Variants in SLC6A11 observed in about 807,000 individuals in gnomAD.
SLC6A11 encodes the protein sodium- and chloride-dependent GABA transporter 3.
A neutral mutation model predicts 74.8 loss-of-function variants in SLC6A11; 25 were observed. The ratio of observed to expected loss-of-function variants is 0.33; its 90% CI spans 0.24 to 0.47. The LOEUF is 0.47. Among genes scored for constraint, SLC6A11 ranks in the 20% least tolerant of loss-of-function variants. SLC6A11 has a pLI of 1.00. For missense variants in SLC6A11, 574 were observed against 837.0 expected, an observed-to-expected ratio of 0.69 and a Z score of 3.88; for synonymous variants, 330 against 330.2, an observed-to-expected ratio of 1.00 and a Z score of 0.01.
rs1194610851 is a variant in SLC6A11, at chr3:10,823,289, G to T, written c.533-13G>T. The T allele has an allele frequency of 6.3e-7, 1 of 1,584,790 alleles. No individual in the cohort carries two copies. Among genetic ancestry groups the T allele is most frequent in the African/African-American group, 1.3e-5 (1 of 74,450 alleles). ...TTAATTTTCTTCTATTTCTTGTCTT[G>T]TTTCCACTGTAGAGAATTGTGTGGA... is the stretch of plus-strand genomic sequence containing the variant. On this transcript the variant is annotated splice_polypyrimidine_tract_variant and intron_variant, in intron 3 of 13. Transcript: ENST00000254488.
chr3:10,908,721 A>T (rs1037621387), intron 6 of SLC6A11, among the ~76,000 whole-genome samples: 1 of 152,020 alleles, frequency 6.6e-6, no homozygotes. Flanking sequence ...ATTGAGTGGT[A>T]CTCTTTCAGA....
intron 1 of SLC6A11, among the ~76,000 whole-genome samples, chr3:10,818,577 T>C (rs1417052043): frequency 1.3e-5 from 2 of 152,228 alleles, no homozygotes; most frequent in African/African-American, 4.8e-5. Context: ...ATCAAAATTG[T>C]TGCTATTAAT....
chr3:10,917,224 A>T (rs1317565975), intron 7 of SLC6A11, among the ~76,000 whole-genome samples: 2 of 152,196 alleles, frequency 1.3e-5, no homozygotes. Context: ...TTGGAGGGTA[A>T]AGCTAACTTT....
chr3:10,923,864 T>TA, intron 8 of SLC6A11, among the ~76,000 whole-genome samples: 1 of 5,576 alleles, frequency 1.8e-4, no homozygotes, highest in South Asian at 2.1e-3. Context: ...GATTGACATG[T>TA]ACCCCCGATA....
intron 13 of SLC6A11, among the ~76,000 whole-genome samples, chr3:10,937,064 A>G (rs539925196): frequency 6.6e-6 from 1 of 152,106 alleles, no homozygotes. Context: ...GACGGGAAGG[A>G]TCTAGAGGGA....
chr3:10,878,173 T>G lies in SLC6A11; in HGVS notation c.891+3078T>G, dbSNP rs573191352. Among the ~76,000 whole-genome samples the G allele has an allele frequency of 1.2e-3, 179 of 152,116 alleles. 1 individual carries two copies. The highest frequency in any genetic ancestry group is 3.2e-3 in the Middle Eastern group (1 of 316). On this transcript the variant is annotated intron_variant, in intron 6 of 13. Transcript: ENST00000254488. ...ATTCCCTGTGGTCTTTGGAATAAGA[T>G]CCAAATGGTGGGGTCCCTACTGTCC...
chr3:10,848,103 C>T (rs1178625609), intron 5 of SLC6A11, among the ~76,000 whole-genome samples: 1 of 152,138 alleles, frequency 6.6e-6, no homozygotes, highest in African/African-American at 2.4e-5. Flanking sequence ...AGAAAAAGTC[C>T]CCAGACCCTT....
chr3:10,835,597 C>G (rs545430665), intron 4 of SLC6A11, among the ~76,000 whole-genome samples: 3 of 152,192 alleles, frequency 2.0e-5, no homozygotes, highest in Non-Finnish European at 4.4e-5. Flanking sequence ...CCCTCAGTCT[C>G]ACCCTCCAGC....
At chr3:10,920,526 C>A (rs1695523198) in intron 8 of SLC6A11, among the ~76,000 whole-genome samples, 1 of 152,156 alleles carries the variant, frequency 6.6e-6, no homozygotes, top group South Asian at 2.1e-4. Context: ...AATTGATACA[C>A]TGGAATTGAC....
chr3:10,934,788 C>T (rs1695736480), intron 12 of SLC6A11, among the ~76,000 whole-genome samples: 2 of 152,206 alleles, frequency 1.3e-5, no homozygotes. Flanking sequence ...CACAGCCCAG[C>T]GAGGTCCCAG....
Position 10,938,416 on chromosome 3 carries a change from A to G in SLC6A11, c.*14A>G. The G allele has an allele frequency of 6.3e-7, 1 of 1,577,166 alleles. No homozygotes were observed. Among genetic ancestry groups the G allele is most frequent in the Non-Finnish European group, 8.7e-7 (1 of 1,154,640 alleles). On this transcript the variant is annotated 3_prime_UTR_variant, in exon 14 of 14. Transcript: ENST00000254488. ...ACGCACTTCTGAGCGGCCACCAGCC[A>G]TCTGGGGCTCTTCTTCCTTTCTTCC...
intron 4 of SLC6A11, among the ~76,000 whole-genome samples, chr3:10,826,726 T>C (rs1009853464): frequency 6.6e-6 from 1 of 151,968 alleles, no homozygotes; most frequent in Admixed American, 6.5e-5. Flanking sequence ...TAGAAAATAT[T>C]ATATGAGAAG....
At chr3:10,929,081 G>C in intron 9 of SLC6A11, 121 bp from the exon 10 acceptor site, 1 of 993,126 alleles carries the variant, frequency 1.0e-6, no homozygotes, top group Non-Finnish European at 1.5e-6. Context: ...CCCCTCGTCT[G>C]CATTAATGGG....
At chr3:10,891,877 G>A (rs1438569437) in intron 6 of SLC6A11, among the ~76,000 whole-genome samples, 1 of 152,216 alleles carries the variant, frequency 6.6e-6, no homozygotes, top group East Asian at 1.9e-4. Context: ...GGGCTTCCAT[G>A]TTAATAAACC....
intron 7 of SLC6A11, among the ~76,000 whole-genome samples, chr3:10,917,271 A>G (rs1695469074): frequency 1.3e-5 from 2 of 152,186 alleles, no homozygotes; most frequent in Admixed American, 6.5e-5. Context: ...ACAATATGAG[A>G]AAGTTCTTAG....
At chr3:10,835,507 G>C (rs1250272430) in intron 4 of SLC6A11, among the ~76,000 whole-genome samples, 1 of 152,122 alleles carries the variant, frequency 6.6e-6, no homozygotes, top group African/African-American at 2.4e-5. Context: ...CCTAAGTTTT[G>C]AGGCATTTCC....
intron 4 of SLC6A11, among the ~76,000 whole-genome samples, chr3:10,841,055 A>G (rs1575672179): frequency 6.6e-6 from 1 of 152,160 alleles, no homozygotes; most frequent in African/African-American, 2.4e-5. Context: ...ATACTCTACT[A>G]TGGCCTGAAA....
chr3:10,889,725 A>G (rs1695086024), intron 6 of SLC6A11, among the ~76,000 whole-genome samples: 1 of 152,178 alleles, frequency 6.6e-6, no homozygotes, highest in African/African-American at 2.4e-5. Flanking sequence ...TATACACATG[A>G]AAATTTGAGG....
At chr3:10,842,422 C>T (rs1416350256) in intron 4 of SLC6A11, among the ~76,000 whole-genome samples, 2 of 152,264 alleles carry the variant, frequency 1.3e-5, no homozygotes, top group South Asian at 4.1e-4. Flanking sequence ...TTTTGTGTTT[C>T]TGGCAGGTGC....
Sources: gnomAD v4.1 joint callset for allele counts (sites outside exome capture counted in the v4.1 genomes callset) on GRCh38, gnomAD v4.1.1 for gene constraint, MANE v1.5 for transcripts, NCBI Gene and HGNC (gene_info 2026-07-23, HGNC 2026-07-21) for gene names.